PELI2: variants seen among roughly 807,000 people sequenced by gnomAD.
PELI2 encodes E3 ubiquitin-protein ligase pellino homolog 2.
In PELI2, 23 loss-of-function variants were observed where a neutral mutation model predicts 42.3. That is an observed-to-expected ratio of 0.54 (90% confidence interval 0.39 to 0.77). PELI2 has a LOEUF of 0.77. PELI2 is among the 30% of genes least tolerant of loss of function. The pLI is 0.00. For missense variants in PELI2, 463 were observed against 553.2 expected (o/e 0.84, Z 1.64); for synonymous variants, 245 against 212.2 (o/e 1.15, Z -1.34).
intron 1 of PELI2, among the ~76,000 whole-genome samples, chr14:56,127,718 T>G (rs1371132526): frequency 1.3e-5 from 2 of 152,160 alleles, no homozygotes; most frequent in Non-Finnish European, 2.9e-5. Flanking sequence ...AGAAAGAAAA[T>G]GAAAACATTC....
chr14:56,163,680 A>G (rs764370878), intron 1 of PELI2, among the ~76,000 whole-genome samples: 9 of 152,014 alleles, frequency 5.9e-5, no homozygotes, highest in Non-Finnish European at 1.0e-4. Flanking sequence ...GGACATTTGA[A>G]TAATATTTAT....
intron 2 of PELI2, among the ~76,000 whole-genome samples, chr14:56,239,340 A>G (rs1297514918): frequency 1.3e-5 from 2 of 152,206 alleles, no homozygotes; most frequent in African/African-American, 2.4e-5. Context: ...ATCTTAGAAT[A>G]TCTGCTTTTA....
intron 1 of PELI2, among the ~76,000 whole-genome samples, chr14:56,133,181 T>G (rs1323695556): frequency 6.6e-6 from 1 of 152,236 alleles, no homozygotes; most frequent in African/African-American, 2.4e-5. Context: ...ATATATGTGC[T>G]TCTTTTTAAA....
At chr14:56,216,166 A>G (rs578005052) in intron 2 of PELI2, among the ~76,000 whole-genome samples, 1 of 150,908 alleles carries the variant, frequency 6.6e-6, no homozygotes, top group Non-Finnish European at 1.5e-5. Context: ...TTGTGTACCC[A>G]TGAAATCATC....
intron 1 of PELI2, among the ~76,000 whole-genome samples, chr14:56,158,902 T>G (rs1884661960): frequency 6.6e-6 from 1 of 152,244 alleles, no homozygotes. Flanking sequence ...ACCATCTGTC[T>G]TCTTTAATAT....
chr14:56,222,149 A>G (rs1238479687), intron 2 of PELI2, among the ~76,000 whole-genome samples: 1 of 151,746 alleles, frequency 6.6e-6, no homozygotes, highest in African/African-American at 2.4e-5. Context: ...AACTTTACCA[A>G]CTTCCTGCTG....
intron 1 of PELI2, among the ~76,000 whole-genome samples, chr14:56,127,188 G>C (rs1280741210): frequency 6.6e-6 from 1 of 152,272 alleles, no homozygotes; most frequent in East Asian, 1.9e-4. Flanking sequence ...TTGAAGAATA[G>C]CCTAGCTTAC....
At chr14:56,218,430 A>T (rs12893611) in intron 2 of PELI2, among the ~76,000 whole-genome samples, 1 of 152,202 alleles carries the variant, frequency 6.6e-6, no homozygotes, top group African/African-American at 2.4e-5. Flanking sequence ...AAAAATGATT[A>T]GTGTTGAGAC....
chr14:56,295,555 G>A (rs75133591), intron 5 of PELI2, among the ~76,000 whole-genome samples: 76 of 152,268 alleles, frequency 5.0e-4, no homozygotes, highest in Non-Finnish European at 9.8e-4. Context: ...ATTTCTGACC[G>A]TCTGTCATCA....
intron 2 of PELI2, among the ~76,000 whole-genome samples, chr14:56,277,545 A>G (rs1179025364): frequency 6.6e-6 from 1 of 152,098 alleles, no homozygotes; most frequent in African/African-American, 2.4e-5. Context: ...TAAAGTATAC[A>G]ATAAATGTAA....
chr14:56,171,392 T>C (rs1475990477), intron 1 of PELI2, among the ~76,000 whole-genome samples: 1 of 152,230 alleles, frequency 6.6e-6, no homozygotes, highest in African/African-American at 2.4e-5. Context: ...CCTCTCCAGA[T>C]GCAGGCTCTC....
intron 2 of PELI2, among the ~76,000 whole-genome samples, chr14:56,191,936 C>G (rs967075508): frequency 1.3e-5 from 2 of 151,648 alleles, no homozygotes; most frequent in Non-Finnish European, 2.9e-5. Flanking sequence ...CTCACTGCAA[C>G]CTCTGTCACC....
chr14:56,165,571 G>A (rs1884925864), intron 1 of PELI2, among the ~76,000 whole-genome samples: 1 of 152,118 alleles, frequency 6.6e-6, no homozygotes, highest in Non-Finnish European at 1.5e-5. Context: ...GCTGCTGGAT[G>A]AAATATTTCG....
Position 56,178,465 on chromosome 14 carries a change from G to A in PELI2, c.207+1G>A, listed in dbSNP as rs1885462092. 1 of 1,614,042 alleles carries A rather than the reference G, an allele frequency of 6.2e-7. No individual in the cohort carries two copies. Among genetic ancestry groups the A allele is most frequent in the African/African-American group, 1.3e-5 (1 of 74,928 alleles). On this transcript the variant is annotated splice_donor_variant, in intron 2 of 5. Transcript: ENST00000267460. LOFTEE classifies it high-confidence loss of function. ...GATATCCACGCCCCAGGCATCCAAGGTAGGTGGGTCTGTCAAGAGTTGGGA... is the reference window on the plus strand; with the variant it reads ...GATATCCACGCCCCAGGCATCCAAGATAGGTGGGTCTGTCAAGAGTTGGGA...
At chr14:56,201,674 T>G (rs987947515) in intron 2 of PELI2, among the ~76,000 whole-genome samples, 1 of 152,230 alleles carries the variant, frequency 6.6e-6, no homozygotes, top group African/African-American at 2.4e-5. Flanking sequence ...AACTGCTAAA[T>G]GTCTTTTGCT....
intron 2 of PELI2, among the ~76,000 whole-genome samples, chr14:56,229,281 A>G (rs1213149446): frequency 6.6e-6 from 1 of 152,248 alleles, no homozygotes; most frequent in African/African-American, 2.4e-5. Flanking sequence ...CTGAGAACGG[A>G]CAGACTGCCT....
chr14:56,275,708 A>T (rs1240956096), intron 2 of PELI2, among the ~76,000 whole-genome samples: 1 of 152,074 alleles, frequency 6.6e-6, no homozygotes, highest in Non-Finnish European at 1.5e-5. Flanking sequence ...CTCGTCTGCC[A>T]CTCACCTCCT....
chr14:56,205,821 T>C (rs1456856622), intron 2 of PELI2, among the ~76,000 whole-genome samples: 1 of 152,088 alleles, frequency 6.6e-6, no homozygotes, highest in Non-Finnish European at 1.5e-5. Flanking sequence ...CACTGGGTGC[T>C]GGATGTTGGA....
At chr14:56,260,060 G>A (rs1347521833) in intron 2 of PELI2, among the ~76,000 whole-genome samples, 1 of 151,990 alleles carries the variant, frequency 6.6e-6, no homozygotes, top group Non-Finnish European at 1.5e-5. Flanking sequence ...TTCAAAAATT[G>A]ATATACATTC....
Sources: allele counts gnomAD v4.1 joint callset (sites outside exome capture counted in the v4.1 genomes callset), GRCh38; gene constraint gnomAD v4.1.1; transcripts MANE v1.5; gene names NCBI Gene and HGNC (gene_info 2026-07-23, HGNC 2026-07-21).